Variants in LRRC51 observed in about 807,000 individuals in gnomAD.
LRRC51 encodes the protein leucine rich repeat containing 51.
Under a neutral mutation model 17.8 loss-of-function variants are expected in LRRC51, and 8 were observed. That is an observed-to-expected ratio of 0.45 (90% CI 0.26 to 0.81). The LOEUF is 0.81. LRRC51 is among the 30% of genes least tolerant of loss of function. LRRC51 has a pLI of 0.17. For synonymous variants in LRRC51, 92 were observed against 96.0 expected (o/e 0.96, Z 0.24); for missense variants, 233 against 239.3 (o/e 0.97, Z 0.17).
Position 72,096,047 on chromosome 11 carries a change from G to C in LRRC51, c.*527G>C. On this transcript the variant is annotated 3_prime_UTR_variant, in exon 6 of 6. Transcript: ENST00000289488. Reference sequence around the variant, plus strand: ...AGACGGAGTCTCGCTCTGTCACCCAGGCTGGAGTGCAGTGGCACGATCTCG... The same window carrying C: ...AGACGGAGTCTCGCTCTGTCACCCACGCTGGAGTGCAGTGGCACGATCTCG... 5.2e-6 allele frequency: 1 copy of C among 190,704 alleles called. No homozygotes were observed. The highest frequency in any genetic ancestry group is 1.1e-5 in the Non-Finnish European group (1 of 90,642). 11.8% of individuals were successfully genotyped at this position (190,704 alleles called of 1,614,324 possible). A position where few individuals can be genotyped will look rare whatever the true frequency, so the allele number is the denominator to read the frequency against.
At chr11:72,093,380 C>A in intron 3 of LRRC51, 116 bp from the exon 4 acceptor site, 2 of 976,668 alleles carry the variant, frequency 2.0e-6, no homozygotes, top group Non-Finnish European at 3.2e-6. Context: ...AGGGCTATGG[C>A]CCTTCCAGAC....
intron 2 of LRRC51, 36 bp from the exon 3 acceptor site, chr11:72,088,993 T>C (rs1944698705): frequency 6.2e-7 from 1 of 1,607,898 alleles, no homozygotes; most frequent in Non-Finnish European, 8.5e-7. Context: ...TGAAAGCCGG[T>C]GTACTTGAAA....
intron 1 of LRRC51, among the ~76,000 whole-genome samples, chr11:72,082,306 G>A (rs186171957): frequency 7.3e-4 from 111 of 152,298 alleles, no homozygotes; most frequent in African/African-American, 2.5e-3. Flanking sequence ...TGACTAGCTG[G>A]CCCTGACTGG....
intron 3 of LRRC51, among the ~76,000 whole-genome samples, chr11:72,089,982 C>T (rs1032187012): frequency 5.9e-5 from 9 of 152,192 alleles, no homozygotes; most frequent in Admixed American, 5.9e-4. Flanking sequence ...ACAGAATACA[C>T]GTTAACATCC....
At chr11:72,082,499 T>TTGCTATATAGCCAATGCTATATAGA (rs1301114641) in intron 1 of LRRC51, among the ~76,000 whole-genome samples, 1 of 152,182 alleles carries the variant, frequency 6.6e-6, no homozygotes, top group African/African-American at 2.4e-5. Context: ...ATATAGCCAA[T>TTGCTATATAGCCAATGCTATATAGA]TGCCTCAACA....
In LRRC51 at chr11:72,095,514, A is replaced by C. The variant is rs746284997; in HGVS notation, c.573A>C (p.Thr191=). The change falls in exon 6 of 6, where the codon ACA becomes ACC. Residue 191 remains threonine, a synonymous_variant. Transcript: ENST00000289488. ...KPKKAWTKQN[T]L ...AGAAGGCCTGGACCAAGCAGAATACACTTTGAGGCTCCCACGACCCTAGTA... is the reference window on the plus strand; with the variant it reads ...AGAAGGCCTGGACCAAGCAGAATACCCTTTGAGGCTCCCACGACCCTAGTA... 6 of 1,613,726 alleles carry C rather than the reference A, an allele frequency of 3.7e-6. No individual in the cohort carries two copies. In the South Asian group the frequency reaches 6.6e-5, roughly 18 times the overall value.
chr11:72,089,136 ACTC>A lies in LRRC51; in HGVS notation c.56_58del (p.Ser19del). 4 of 1,613,678 alleles carry A rather than the reference ACTC, an allele frequency of 2.5e-6. No homozygotes were observed. The highest frequency in any genetic ancestry group is 1.7e-5 in the Admixed American group (1 of 59,948). ...TCGGTACAGGAGCCCCCTCTTGACT[ACTC>A]CTTCAGAAGCATCCACGTCATTCAA... On this transcript the variant is annotated inframe_deletion, in exon 3 of 6. Transcript: ENST00000289488.
chr11:72,086,086 T>C (rs1165267941), intron 1 of LRRC51: 2 of 243,744 alleles, frequency 8.2e-6, no homozygotes, highest in Non-Finnish European at 7.9e-6. Context: ...CAAAAAGAGA[T>C]GGATACAGGG....
chr11:72,089,002 A>T, intron 2 of LRRC51, 27 bp from the exon 3 acceptor site: 2 of 1,609,782 alleles, frequency 1.2e-6, no homozygotes, highest in Admixed American at 3.3e-5. Flanking sequence ...GTGTACTTGA[A>T]ACACTGGTCT....
rs1565323345 is a variant in LRRC51, at chr11:72,096,502, T to G, written c.*982T>G. 2.5e-6 allele frequency: 3 copies of G among 1,220,704 alleles called. No homozygotes were observed. The allele number at this position is 1,220,704 out of a possible 1,614,324, so 75.6% of individuals were successfully genotyped here. On this transcript the variant is annotated 3_prime_UTR_variant, in exon 6 of 6. Transcript: ENST00000289488. ...ATCTGCCCACCTCAGCCTCCCAAAGTGCTAGGATTACAGGATAAGCCACTG... is the reference window on the plus strand; with the variant it reads ...ATCTGCCCACCTCAGCCTCCCAAAGGGCTAGGATTACAGGATAAGCCACTG...
chr11:72,089,098 CTA>C lies in LRRC51; in HGVS notation c.19_20del (p.Met7GlufsTer10). On this transcript the variant is annotated frameshift_variant, in exon 3 of 6. Coordinates refer to ENST00000289488, the MANE Select transcript of LRRC51 (RefSeq NM_145309.6). LOFTEE classifies it high-confidence loss of function. MNKRD[Y>X]MNTSVQEPPL... ...TGGCCTGAACTATGAACAAACGGGACTATATGAACACTTCGGTACAGGAGCCC... is the reference window on the plus strand; with the variant it reads ...TGGCCTGAACTATGAACAAACGGGACTATGAACACTTCGGTACAGGAGCCC... 2 of 1,614,082 alleles carry C rather than the reference CTA, an allele frequency of 1.2e-6. No homozygotes were observed. Among genetic ancestry groups the C allele is most frequent in the Non-Finnish European group, 1.7e-6 (2 of 1,179,998 alleles).
chr11:72,090,611 T>C (rs968939454), intron 3 of LRRC51, among the ~76,000 whole-genome samples: 1 of 152,154 alleles, frequency 6.6e-6, no homozygotes, highest in Non-Finnish European at 1.5e-5. Context: ...GAAACACTTA[T>C]TTACAGCTGG....
intron 3 of LRRC51, chr11:72,089,680 A>G (rs1944748401): frequency 1.1e-6 from 1 of 951,618 alleles, no homozygotes; most frequent in African/African-American, 1.8e-5. Flanking sequence ...ACAAACTGGC[A>G]TATTTCCAGT....
Position 72,088,370 on chromosome 11 carries a change from A to T in LRRC51, c.-66A>T, listed in dbSNP as rs1944662651. 2.8e-6 allele frequency: 2 copies of T among 702,664 alleles called. No individual in the cohort carries two copies. Among genetic ancestry groups the T allele is most frequent in the Non-Finnish European group, 5.2e-6 (2 of 384,990 alleles). The allele number at this position is 702,664 out of a possible 1,614,324, so 43.5% of individuals were successfully genotyped here. On this transcript the variant is annotated 5_prime_UTR_variant, in exon 2 of 6. Transcript: ENST00000289488. ...AATGCCTAATGGTGGAGTTTCAGCC[A>T]TCAGTGACAGGTGAGTGAGAGGTAG...
chr11:72,088,851 G>A, intron 2 of LRRC51, 178 bp from the exon 3 acceptor site: 1 of 639,746 alleles, frequency 1.6e-6, no homozygotes, highest in South Asian at 1.9e-5. Flanking sequence ...AAGGTGCTCT[G>A]AGAAGTAGAA....
In LRRC51 at chr11:72,095,061, C is replaced by G; in HGVS notation, c.402C>G (p.Leu134=). Residue 134 remains leucine (L), a synonymous_variant, in exon 5 of 6, where the codon CTC becomes CTG. Transcript: ENST00000289488. ...AVLPRLRSLT[L]HGNPMEEEKG... ...TTCCTCGGCTCCGTAGCCTGACACTCCATGGGAACCCCATGGAGGAAGAGA... is the reference window on the plus strand; with the variant it reads ...TTCCTCGGCTCCGTAGCCTGACACTGCATGGGAACCCCATGGAGGAAGAGA... The G allele has an allele frequency of 1.9e-6, 3 of 1,614,074 alleles. No individual in the cohort carries two copies. Among genetic ancestry groups the G allele is most frequent in the Non-Finnish European group, 2.5e-6 (3 of 1,180,018 alleles).
chr11:72,086,530 A>G, intron 1 of LRRC51: 1 of 697,358 alleles, frequency 1.4e-6, no homozygotes, highest in African/African-American at 1.7e-5. Context: ...TCATTCATTC[A>G]TCCCACAAAC....
chr11:72,082,255 C>T (rs138657312), intron 1 of LRRC51, among the ~76,000 whole-genome samples: 1 of 152,342 alleles, frequency 6.6e-6, no homozygotes, highest in East Asian at 1.9e-4. Context: ...TAACACAGCA[C>T]CCATGTCTGA....
In LRRC51 at chr11:72,089,329, TTCTG is replaced by T. The variant is rs1273081221; in HGVS notation, c.82+168_82+171del. 37 of 1,506,612 alleles carry T rather than the reference TTCTG, an allele frequency of 2.5e-5. No individual in the cohort carries two copies. In the South Asian group the frequency reaches 3.4e-4, roughly 14 times the overall value. 93.3% of individuals were successfully genotyped at this position (1,506,612 alleles called of 1,614,324 possible). A position where few individuals can be genotyped will look rare whatever the true frequency, so the allele number is the denominator to read the frequency against. ...GGGTAGGGGAGAGTGAGAGGTTTTT[TTCTG>T]TCTTTTTGTTTGTTTTGATTTTGCC... On this transcript the variant is annotated intron_variant, in intron 3 of 5. Transcript: ENST00000289488.
Sources: gnomAD v4.1 joint callset for allele counts (sites outside exome capture counted in the v4.1 genomes callset) on GRCh38, gnomAD v4.1.1 for gene constraint, MANE v1.5 for transcripts, NCBI Gene and HGNC (gene_info 2026-07-23, HGNC 2026-07-21) for gene names.